The following STK32B variants were observed in gnomAD, a reference collection of about 807,000 sequenced individuals.
STK32B encodes serine/threonine-protein kinase 32B.
In STK32B, 43 loss-of-function variants were observed where a neutral mutation model predicts 52.6. The observed-to-expected ratio is 0.82, with a 90% CI of 0.64 to 1.05. The LOEUF (loss-of-function observed/expected upper bound fraction) is 1.05. Among genes scored for constraint, STK32B ranks in the 50% least tolerant of loss-of-function variants. The pLI is 0.00. For missense variants in STK32B, 621 were observed against 534.6 expected (o/e 1.16, Z -1.59); for synonymous variants, 238 against 204.3 (o/e 1.17, Z -1.41).
chr4:5,196,224 A>G (rs1315842285), intron 3 of STK32B, among the ~76,000 whole-genome samples: 1 of 152,018 alleles, frequency 6.6e-6, no homozygotes, highest in East Asian at 1.9e-4. Context: ...TGCACAGCCT[A>G]CATGCTCAAT....
At chr4:5,053,234 T>C (rs1392530131) in intron 1 of STK32B, among the ~76,000 whole-genome samples, 1 of 152,202 alleles carries the variant, frequency 6.6e-6, no homozygotes, top group East Asian at 1.9e-4. Context: ...TCCATGGTGA[T>C]AAGGGCATTG....
At chr4:5,293,268 A>T (rs1453847030) in intron 3 of STK32B, among the ~76,000 whole-genome samples, 1 of 152,004 alleles carries the variant, frequency 6.6e-6, no homozygotes. Flanking sequence ...ATGTGTCTTT[A>T]TAGTAGAATG....
At chr4:5,148,596 C>G (rs1297651684) in intron 2 of STK32B, among the ~76,000 whole-genome samples, 1 of 151,670 alleles carries the variant, frequency 6.6e-6, no homozygotes, top group East Asian at 1.9e-4. Context: ...CAAGAACATA[C>G]TCTACAATTT....
rs1553840495 is a variant in STK32B at position 5,159,708 on chromosome 4, T to TATATATGA, written c.109-8585_109-8584insGAATATAT. Among the ~76,000 whole-genome samples the TATATATGA allele has an allele frequency of 2.1e-4, 23 of 108,772 alleles. 5 individuals are homozygous for TATATATGA. Among genetic ancestry groups the TATATATGA allele is most frequent in the African/African-American group, 1.3e-3 (23 of 17,698 alleles). The allele number at this position is 108,772 out of a possible 152,430, so 71.4% of individuals were successfully genotyped here. On this transcript the variant is annotated intron_variant, in intron 2 of 11. Transcript: ENST00000282908. ...ATGAATATATATGAATATATATGAATATATATATGAATGTATATGAATATA... is the reference window on the plus strand; with the variant it reads ...ATGAATATATATGAATATATATGAATATATATGAATATATATGAATGTATATGAATATA...
intron 4 of STK32B, among the ~76,000 whole-genome samples, chr4:5,348,029 G>C (rs561802832): frequency 4.6e-5 from 7 of 152,284 alleles, no homozygotes; most frequent in African/African-American, 1.7e-4. Context: ...TCATCTAAGA[G>C]AGAATACAGG....
At chr4:5,118,100 A>C (rs1282011826) in intron 1 of STK32B, among the ~76,000 whole-genome samples, 3 of 152,110 alleles carry the variant, frequency 2.0e-5, no homozygotes, top group African/African-American at 4.8e-5. Context: ...CTTTCTCTTC[A>C]ATTTTTTGGG....
At chr4:5,071,919 A>G (rs1711804705) in intron 1 of STK32B, among the ~76,000 whole-genome samples, 1 of 152,168 alleles carries the variant, frequency 6.6e-6, no homozygotes, top group South Asian at 2.1e-4. Context: ...TTTCTTTCTT[A>G]GCCAGAAAAC....
intron 4 of STK32B, among the ~76,000 whole-genome samples, chr4:5,356,235 T>C (rs1262749208): frequency 1.3e-5 from 2 of 152,114 alleles, no homozygotes; most frequent in Non-Finnish European, 2.9e-5. Flanking sequence ...GATTTCTACC[T>C]CCATCCTCAC....
At chr4:5,463,048 G>C (rs1205870656) in intron 9 of STK32B, among the ~76,000 whole-genome samples, 1 of 152,224 alleles carries the variant, frequency 6.6e-6, no homozygotes, top group African/African-American at 2.4e-5. Context: ...CAGATCCGAT[G>C]AGAAACCAGG....
At chr4:5,292,903 A>C (rs1728977359) in intron 3 of STK32B, among the ~76,000 whole-genome samples, 2 of 151,510 alleles carry the variant, frequency 1.3e-5, no homozygotes, top group Admixed American at 1.3e-4. Flanking sequence ...TTAGCCCTGC[A>C]TGCATTCAGT....
chr4:5,131,920 A>G (rs1192407535), intron 1 of STK32B, among the ~76,000 whole-genome samples: 2 of 152,112 alleles, frequency 1.3e-5, no homozygotes, highest in African/African-American at 4.8e-5. Flanking sequence ...ACATGGCAAA[A>G]GGGACTTTTT....
chr4:5,205,423 C>T (rs890132627), intron 3 of STK32B, among the ~76,000 whole-genome samples: 20 of 152,146 alleles, frequency 1.3e-4, no homozygotes, highest in African/African-American at 4.6e-4. Flanking sequence ...AATACACCTC[C>T]CCTCCCTCAT....
At chr4:5,097,382 T>C (rs531466338) in intron 1 of STK32B, among the ~76,000 whole-genome samples, 2 of 152,376 alleles carry the variant, frequency 1.3e-5, no homozygotes, top group East Asian at 3.9e-4. Context: ...TGAGTTTAAA[T>C]GAATCCATCC....
intron 2 of STK32B, among the ~76,000 whole-genome samples, chr4:5,140,516 A>G (rs1222195132): frequency 6.6e-6 from 1 of 151,800 alleles, no homozygotes; most frequent in African/African-American, 2.4e-5. Context: ...TTTCACATCT[A>G]TTGTTATTTC....
chr4:5,043,817 A>T, the STK32B span, among the ~76,000 whole-genome samples: 1 of 152,256 alleles, frequency 6.6e-6, no homozygotes, highest in Admixed American at 6.5e-5. Flanking sequence ...CAGTTGGAAC[A>T]TGTAGTCCCT....
chr4:5,122,062 ACTAATTCACATACTCATTCT>A (rs1715055581), intron 1 of STK32B, among the ~76,000 whole-genome samples: 1 of 152,094 alleles, frequency 6.6e-6, no homozygotes, highest in Non-Finnish European at 1.5e-5. Flanking sequence ...TCATTCATTC[ACTAATTCACATACTCATTCT>A]CTCACTCATT....
intron 3 of STK32B, among the ~76,000 whole-genome samples, chr4:5,190,778 GA>G (rs1721129249): frequency 6.6e-6 from 1 of 152,156 alleles, no homozygotes; most frequent in Non-Finnish European, 1.5e-5. Context: ...GCTGTCTGAA[GA>G]AGTAGCACCT....
intron 2 of STK32B, among the ~76,000 whole-genome samples, chr4:5,147,500 C>A (rs1451569163): frequency 1.3e-5 from 2 of 151,950 alleles, no homozygotes; most frequent in East Asian, 3.8e-4. Context: ...TTGTTTTGTT[C>A]TTAATTTTAG....
intron 1 of STK32B, among the ~76,000 whole-genome samples, chr4:5,128,187 C>T (rs950720203): frequency 6.6e-6 from 1 of 152,208 alleles, no homozygotes; most frequent in African/African-American, 2.4e-5. Context: ...AGGACACCTT[C>T]CCTTTGGACT....
Sources: allele counts gnomAD v4.1 joint callset (sites outside exome capture counted in the v4.1 genomes callset), GRCh38; gene constraint gnomAD v4.1.1; transcripts MANE v1.5; gene names NCBI Gene and HGNC (gene_info 2026-07-23, HGNC 2026-07-21).